ASIC2: variants seen among roughly 807,000 people sequenced by gnomAD.
ASIC2 encodes the protein acid-sensing ion channel 2.
A neutral mutation model predicts 57.3 loss-of-function variants in ASIC2; 25 were observed. The ratio of observed to expected loss-of-function variants is 0.44; its 90% CI spans 0.32 to 0.61. The LOEUF (loss-of-function observed/expected upper bound fraction) is 0.61, where lower values mean the gene tolerates loss of function less well. Among genes scored for constraint, ASIC2 ranks in the 20% least tolerant of loss-of-function variants. ASIC2 has a pLI of 0.06. For missense variants in ASIC2, 641 were observed against 738.1 expected (o/e 0.87, Z 1.52); for synonymous variants, 319 against 307.5 (o/e 1.04, Z -0.39).
intron 1 of ASIC2, among the ~76,000 whole-genome samples, chr17:34,118,167 T>G (rs1911483921): frequency 6.6e-6 from 1 of 152,188 alleles, no homozygotes; most frequent in South Asian, 2.1e-4. Flanking sequence ...TTGTATAATC[T>G]TAGAAAGTTT....
chr17:34,125,914 A>C (rs1419428957), intron 1 of ASIC2, among the ~76,000 whole-genome samples: 1 of 151,956 alleles, frequency 6.6e-6, no homozygotes, highest in Non-Finnish European at 1.5e-5. Context: ...TAACTGTGGA[A>C]CACAGGAGGC....
intron 1 of ASIC2, among the ~76,000 whole-genome samples, chr17:33,156,951 A>G (rs1905022497): frequency 6.6e-6 from 1 of 152,132 alleles, no homozygotes; most frequent in African/African-American, 2.4e-5. Context: ...TGCTCAGACA[A>G]TGCTGGTTCA....
At chr17:33,581,380 G>A (rs767803087) in intron 1 of ASIC2, 2 of 152,192 alleles carry the variant, frequency 1.3e-5, no homozygotes, top group African/African-American at 2.4e-5. Flanking sequence ...CTCCTGATAG[G>A]AGCCCCAGCC....
At chr17:33,313,226 T>G in intron 1 of ASIC2, among the ~76,000 whole-genome samples, 1 of 151,448 alleles carries the variant, frequency 6.6e-6, no homozygotes, top group Non-Finnish European at 1.5e-5. Flanking sequence ...CTCAGGAGGC[T>G]GAGGTGGGCA....
At chr17:34,020,789 C>A (rs551043812) in intron 1 of ASIC2, among the ~76,000 whole-genome samples, 1 of 152,148 alleles carries the variant, frequency 6.6e-6, no homozygotes, top group Non-Finnish European at 1.5e-5. Context: ...CCGCCCGCAC[C>A]GTGATTTCAG....
In ASIC2 at chr17:33,553,494, C is replaced by CTATTAT. The variant is rs3032154; in HGVS notation, c.556-441433_556-441428dup. 3.0e-3 allele frequency among the ~76,000 whole-genome samples: 447 copies of CTATTAT among 150,446 alleles called. 1 individual carries two copies. The highest frequency in any genetic ancestry group is 0.01 in the African/African-American group (409 of 40,810). On this transcript the variant is annotated intron_variant, in intron 1 of 9. Coordinates refer to the ASIC2 transcript ENST00000359872. Reference sequence around the variant, plus strand: ...TTGGGAGGCAGATCCTTTATTATTACTATTATTATTATTATTATTATTTTG... The same window carrying CTATTAT: ...TTGGGAGGCAGATCCTTTATTATTACTATTATTATTATTATTATTATTATTATTTTG...
At chr17:33,158,845 A>G (rs1905084584) in intron 1 of ASIC2, among the ~76,000 whole-genome samples, 1 of 152,236 alleles carries the variant, frequency 6.6e-6, no homozygotes, top group African/African-American at 2.4e-5. Flanking sequence ...AATAAAGGTC[A>G]ACTCTTGTAA....
In ASIC2 at chr17:33,401,143, G is replaced by A. The variant is rs113648828; in HGVS notation, c.556-289076C>T. Among the ~76,000 whole-genome samples, 388 of 152,260 alleles carry A rather than the reference G, an allele frequency of 2.5e-3. 2 individuals carry two copies. Among genetic ancestry groups the A allele is most frequent in the African/African-American group, 9.0e-3 (373 of 41,550 alleles). On this transcript the variant is annotated intron_variant, in intron 1 of 9. Coordinates refer to the ASIC2 transcript ENST00000359872. ...AGCCTTGAAGTGCTTCCATCCGGGA[G>A]AGCCACCTGTCACTTCCACTCTTAT... is the stretch of plus-strand genomic sequence containing the variant.
intron 1 of ASIC2, chr17:34,080,776 C>G (rs1318135842): frequency 6.6e-6 from 1 of 152,206 alleles, no homozygotes; most frequent in Admixed American, 6.5e-5. Flanking sequence ...GACAGTCCTG[C>G]CCAATATCAT....
rs577502826 is a variant in ASIC2 at position 34,082,456 on chromosome 17, T to A, written c.555+73522A>T. ...AAGTTACAAAGGGAAAAAAATCTCA[T>A]ACAAAAGCATTGTCCTTTAAACGGA... On this transcript the variant is annotated intron_variant, in intron 1 of 9. Transcript: ENST00000359872. Among the ~76,000 whole-genome samples, 14 of 152,214 alleles carry A rather than the reference T, an allele frequency of 9.2e-5. No individual in the cohort carries two copies. The South Asian group carries it at 2.9e-3, about 32-fold the overall frequency.
At chr17:33,102,002 T>C (rs570657046) in intron 2 of ASIC2, among the ~76,000 whole-genome samples, 1 of 152,222 alleles carries the variant, frequency 6.6e-6, no homozygotes, top group African/African-American at 2.4e-5. Flanking sequence ...GGGCCATCCC[T>C]TGTGGATCCA....
intron 1 of ASIC2, among the ~76,000 whole-genome samples, chr17:33,413,396 C>T (rs1910730134): frequency 6.6e-6 from 1 of 152,198 alleles, no homozygotes; most frequent in Non-Finnish European, 1.5e-5. Flanking sequence ...TAAATGTCCC[C>T]AACTTGGTCC....
At chr17:33,938,471 C>T (rs1374924289) in intron 1 of ASIC2, among the ~76,000 whole-genome samples, 4 of 152,188 alleles carry the variant, frequency 2.6e-5, no homozygotes, top group Non-Finnish European at 5.9e-5. Context: ...GTCATGTTCC[C>T]TATATTCCCA....
intron 1 of ASIC2, among the ~76,000 whole-genome samples, chr17:33,432,987 G>C (rs144853564): frequency 6.6e-6 from 1 of 152,130 alleles, no homozygotes; most frequent in East Asian, 1.9e-4. Flanking sequence ...TGTGGAAAAC[G>C]GTGTGGTGAT....
intron 1 of ASIC2, among the ~76,000 whole-genome samples, chr17:33,171,352 G>A (rs1425394730): frequency 2.6e-5 from 4 of 152,128 alleles, no homozygotes; most frequent in Non-Finnish European, 4.4e-5. Flanking sequence ...AGTCTCAGAG[G>A]CTCCTCAAAC....
chr17:33,670,842 AT>A, intron 1 of ASIC2, among the ~76,000 whole-genome samples: 1 of 152,330 alleles, frequency 6.6e-6, no homozygotes, highest in East Asian at 1.9e-4. Context: ...TTATTTTCAC[AT>A]TGGTATATGT....
At chr17:33,934,012 C>T (rs545179231) in intron 1 of ASIC2, among the ~76,000 whole-genome samples, 12 of 152,296 alleles carry the variant, frequency 7.9e-5, no homozygotes, top group African/African-American at 2.4e-4. Flanking sequence ...GGGTCAGCAG[C>T]GACTTTCTTG....
intron 1 of ASIC2, among the ~76,000 whole-genome samples, chr17:33,814,533 G>A (rs1198305315): frequency 6.6e-6 from 1 of 152,150 alleles, no homozygotes; most frequent in Non-Finnish European, 1.5e-5. Context: ...AAAATAATGT[G>A]CCCGTAAAAG....
intron 1 of ASIC2, among the ~76,000 whole-genome samples, chr17:33,900,538 A>T (rs1293470539): frequency 6.6e-6 from 1 of 152,164 alleles, no homozygotes; most frequent in African/African-American, 2.4e-5. Context: ...TAGTTGTATT[A>T]TTTTGACTCA....
Sources: allele counts gnomAD v4.1 joint callset (sites outside exome capture counted in the v4.1 genomes callset), GRCh38; gene constraint gnomAD v4.1.1; transcripts MANE v1.5; gene names NCBI Gene and HGNC (gene_info 2026-07-23, HGNC 2026-07-21).